TENM1: variants seen among roughly 807,000 people sequenced by gnomAD.
TENM1 encodes the protein teneurin transmembrane protein 1, also known as teneurin-1.
A neutral mutation model predicts 174.8 loss-of-function variants in TENM1; 35 were observed. The ratio of observed to expected loss-of-function variants is 0.20; its 90% confidence interval spans 0.15 to 0.27. The LOEUF (loss-of-function observed/expected upper bound fraction) is 0.27, where lower values mean the gene tolerates loss of function less well. TENM1 is among the 10% of genes least tolerant of loss of function. TENM1 has a pLI of 1.00. For synonymous variants in TENM1, 781 were observed against 798.7 expected (o/e 0.98, Z 0.37); for missense variants, 1,633 against 2,130.1 (o/e 0.77, Z 4.59).
the TENM1 span, among the ~76,000 whole-genome samples, chrX:125,054,111 C>G: frequency 9.0e-6 from 1 of 111,375 alleles, no homozygotes; most frequent in Non-Finnish European, 1.9e-5. Context: ...ACAGGGTAGG[C>G]CCAAGATCAA....
chrX:124,898,244 T>C (rs2057596606), intron 1 of TENM1, among the ~76,000 whole-genome samples: 1 of 111,075 alleles, frequency 9.0e-6, no homozygotes, highest in Admixed American at 9.7e-5. Context: ...TCGAATGACT[T>C]CCCTGGTGAG....
At chrX:125,116,139 G>A in the TENM1 span, among the ~76,000 whole-genome samples, 2 of 112,041 alleles carry the variant, frequency 1.8e-5, no homozygotes, top group Admixed American at 9.5e-5. Flanking sequence ...AAGCAATGAG[G>A]AAAGGATTCC....
chrX:124,525,129 T>C (rs2047944778), intron 16 of TENM1, among the ~76,000 whole-genome samples: 1 of 112,349 alleles, frequency 8.9e-6, no homozygotes, highest in Non-Finnish European at 1.9e-5. Flanking sequence ...TCGTGTTTTG[T>C]TGCAGAAATC....
chrX:124,732,970 C>T (rs186033211), intron 4 of TENM1, among the ~76,000 whole-genome samples: 3 of 111,636 alleles, frequency 2.7e-5, no homozygotes, highest in African/African-American at 6.5e-5. Context: ...CTCAATTACT[C>T]GAGGCAACCT....
At chrX:124,977,042 C>A in the TENM1 span, among the ~76,000 whole-genome samples, 1 of 111,932 alleles carries the variant, frequency 8.9e-6, no homozygotes, top group Middle Eastern at 4.6e-3. Flanking sequence ...GTAGGGTTGG[C>A]ATAATGTAGC....
chrX:124,448,072 A>ATGG (rs1384606586), intron 23 of TENM1, among the ~76,000 whole-genome samples: 1 of 111,767 alleles, frequency 8.9e-6, no homozygotes, highest in Non-Finnish European at 1.9e-5. Flanking sequence ...GTACCAGTGA[A>ATGG]TGGTACTACC....
At chrX:124,745,369 A>G (rs1269404101) in intron 3 of TENM1, among the ~76,000 whole-genome samples, 1 of 111,809 alleles carries the variant, frequency 8.9e-6, no homozygotes, top group Non-Finnish European at 1.9e-5. Flanking sequence ...CAAGAGCCAG[A>G]GGATTCTCAA....
At chrX:125,125,477 A>T in the TENM1 span, among the ~76,000 whole-genome samples, 1 of 111,984 alleles carries the variant, frequency 8.9e-6, no homozygotes, top group Non-Finnish European at 1.9e-5. Context: ...TACCTGTCTC[A>T]AGTTCAAATT....
intron 5 of TENM1, among the ~76,000 whole-genome samples, chrX:124,677,955 A>G (rs192355570): frequency 1.4e-3 from 155 of 111,930 alleles, no homozygotes; most frequent in African/African-American, 5.0e-3. Flanking sequence ...ATTCTGTGCT[A>G]TATTTGTAAC....
chrX:124,674,628 A>G (rs975229168), intron 5 of TENM1, among the ~76,000 whole-genome samples: 9 of 111,667 alleles, frequency 8.1e-5, no homozygotes, highest in Non-Finnish European at 1.5e-4. Flanking sequence ...AATAATTTTA[A>G]CTCAAAGGAT....
At chrX:124,494,157 A>C (rs918349857) in intron 20 of TENM1, among the ~76,000 whole-genome samples, 15 of 112,036 alleles carry the variant, frequency 1.3e-4, no homozygotes, top group Admixed American at 9.4e-5. Flanking sequence ...GTGTTAAATG[A>C]AAATGACCCA....
intron 18 of TENM1, among the ~76,000 whole-genome samples, chrX:124,511,860 CCT>C (rs1008527783): frequency 9.0e-6 from 1 of 111,522 alleles, no homozygotes; most frequent in African/African-American, 3.3e-5. Flanking sequence ...TTAATGTTCC[CCT>C]GTTTCTCTCT....
intron 4 of TENM1, among the ~76,000 whole-genome samples, chrX:124,726,737 G>GA (rs1202436561): frequency 1.8e-5 from 2 of 111,243 alleles, no homozygotes; most frequent in African/African-American, 6.6e-5. Flanking sequence ...AAATGTTCTA[G>GA]AAAAAAACTA....
intron 11 of TENM1, among the ~76,000 whole-genome samples, chrX:124,581,097 C>G (rs1248301103): frequency 3.6e-5 from 3 of 84,459 alleles, no homozygotes; most frequent in Non-Finnish European, 2.2e-5. Flanking sequence ...TGGAGTCTTG[C>G]TCTGTCACCC....
the TENM1 span, among the ~76,000 whole-genome samples, chrX:125,021,149 T>C: frequency 9.0e-6 from 1 of 111,180 alleles, no homozygotes; most frequent in Non-Finnish European, 1.9e-5. Context: ...CTTGTCAAAT[T>C]ATGTGAACTT....
At chrX:124,754,097 G>A (rs1393006800) in intron 3 of TENM1, among the ~76,000 whole-genome samples, 8 of 111,293 alleles carry the variant, frequency 7.2e-5, no homozygotes, top group Admixed American at 1.9e-4. Flanking sequence ...GGTAGAATTC[G>A]GCTGTGAATC....
chrX:125,192,003 G>C, the TENM1 span, among the ~76,000 whole-genome samples: 1 of 110,222 alleles, frequency 9.1e-6, no homozygotes, highest in African/African-American at 3.3e-5. Context: ...CTTCCCTCTG[G>C]AGGACACAGC....
At chrX:124,972,703 TCAC>T in the TENM1 span, among the ~76,000 whole-genome samples, 28 of 112,058 alleles carry the variant, frequency 2.5e-4, no homozygotes, top group African/African-American at 9.1e-4. Context: ...GAGAAGTAAA[TCAC>T]CACTTTTTAG....
chrX:124,672,996 C>G (rs921169528), intron 5 of TENM1, among the ~76,000 whole-genome samples: 5 of 110,992 alleles, frequency 4.5e-5, no homozygotes, highest in African/African-American at 1.6e-4. Context: ...ATTTTTTTTA[C>G]AATGAACATG....
Sources: allele counts gnomAD v4.1 joint callset (sites outside exome capture counted in the v4.1 genomes callset), GRCh38; gene constraint gnomAD v4.1.1; transcripts MANE v1.5; gene names NCBI Gene and HGNC (gene_info 2026-07-23, HGNC 2026-07-21).